The following TGFB2 variants were observed in gnomAD, a reference collection of about 807,000 sequenced individuals.
TGFB2 encodes transforming growth factor beta-2 proprotein.
In TGFB2, 13 loss-of-function variants were observed where a neutral mutation model predicts 42.7. That is an observed-to-expected ratio of 0.30 (90% CI 0.20 to 0.48). The LOEUF (loss-of-function observed/expected upper bound fraction) is 0.48, where lower values mean the gene tolerates loss of function less well. Among genes scored for constraint, TGFB2 ranks in the 20% least tolerant of loss-of-function variants. The pLI is 0.99. For missense variants in TGFB2, 390 were observed against 517.5 expected (o/e 0.75, Z 2.39); for synonymous variants, 193 against 193.6 (o/e 1.00, Z 0.03).
chr1:218,423,981 C>A (rs1480341258), intron 2 of TGFB2, among the ~76,000 whole-genome samples: 2 of 152,226 alleles, frequency 1.3e-5, no homozygotes, highest in African/African-American at 4.8e-5. Context: ...TAATGATTTT[C>A]AAAGGCACTT....
intron 1 of TGFB2, among the ~76,000 whole-genome samples, chr1:218,349,725 G>T (rs900392398): frequency 6.6e-6 from 1 of 152,200 alleles, no homozygotes; most frequent in Non-Finnish European, 1.5e-5. Flanking sequence ...GCAATGTGGA[G>T]ATTTAAAAGT....
At chr1:218,410,907 A>C (rs1013495634) in intron 2 of TGFB2, among the ~76,000 whole-genome samples, 1 of 152,244 alleles carries the variant, frequency 6.6e-6, no homozygotes, top group African/African-American at 2.4e-5. Flanking sequence ...CAAGTTGAAC[A>C]TCTTCTATAT....
intron 1 of TGFB2, among the ~76,000 whole-genome samples, chr1:218,395,411 G>A (rs1252138869): frequency 1.3e-5 from 2 of 152,100 alleles, no homozygotes; most frequent in Non-Finnish European, 2.9e-5. Context: ...TATTTTATTT[G>A]TATTTTGTTG....
intron 1 of TGFB2, among the ~76,000 whole-genome samples, chr1:218,356,927 G>C (rs559499242): frequency 2.6e-5 from 4 of 152,278 alleles, no homozygotes; most frequent in Admixed American, 6.5e-5. Flanking sequence ...ATCTAAAAGA[G>C]GAGGCCGGGT....
At position 218,356,912 on chromosome 1, in the gene TGFB2, T is replaced by C. The variant is rs370789456; in HGVS notation, c.346+9865T>C. Among the ~76,000 whole-genome samples the C allele has an allele frequency of 7.2e-5, 11 of 152,312 alleles. No homozygotes were observed. In the South Asian group the frequency reaches 1.4e-3, roughly 20 times the overall value. ...TTAGCAATAGTATGACATTACGGTGTAGAAATCTAAAAGAGGAGGCCGGGT... is the reference window on the plus strand; with the variant it reads ...TTAGCAATAGTATGACATTACGGTGCAGAAATCTAAAAGAGGAGGCCGGGT... On this transcript the variant is annotated intron_variant, in intron 1 of 6. Transcript: ENST00000366930.
rs1468058932 is a variant in TGFB2 at position 218,346,439 on chromosome 1, T to C, written c.-263T>C. The C allele has an allele frequency of 2.1e-5, 8 of 380,402 alleles. No homozygotes were observed. Among genetic ancestry groups the C allele is most frequent in the Non-Finnish European group, 3.7e-5 (8 of 216,888 alleles). The allele number at this position is 380,402 out of a possible 1,614,324, so 23.6% of individuals were successfully genotyped here. The stretch of plus-strand genomic sequence containing the variant: ...ATTGCTCCAAGAATTTTTTTCTTCT[T>C]ACTCGCCAAAGTCAGGGTTCCCTCT... On this transcript the variant is annotated 5_prime_UTR_variant, in exon 1 of 7. Coordinates refer to ENST00000366930, the MANE Select transcript of TGFB2 (RefSeq NM_003238.6). The surrounding 1 kb of genome is among the most constrained non-coding windows in gnomAD (Gnocchi z 4.9).
chr1:218,433,762 A>G (rs187767176), intron 2 of TGFB2, among the ~76,000 whole-genome samples: 64 of 152,354 alleles, frequency 4.2e-4, no homozygotes, highest in African/African-American at 1.5e-3. Flanking sequence ...ACTTAATAGC[A>G]TAGAATTTAT....
chr1:218,411,159 A>G (rs1053581062), intron 2 of TGFB2, among the ~76,000 whole-genome samples: 1 of 152,128 alleles, frequency 6.6e-6, no homozygotes, highest in Non-Finnish European at 1.5e-5. Flanking sequence ...CTCATTTAAA[A>G]CCTTACCACC....
intron 1 of TGFB2, among the ~76,000 whole-genome samples, chr1:218,387,943 C>T (rs1432944673): frequency 2.6e-5 from 4 of 151,838 alleles, no homozygotes; most frequent in Non-Finnish European, 5.9e-5. Flanking sequence ...TTTCTATGTC[C>T]CCCCACCCCC....
intron 1 of TGFB2, among the ~76,000 whole-genome samples, chr1:218,347,787 T>C (rs1361249885): frequency 6.6e-6 from 1 of 152,184 alleles, no homozygotes; most frequent in Non-Finnish European, 1.5e-5. Context: ...ACGTTATTTT[T>C]CAGAATACAC....
rs1345289209 is a variant in TGFB2, at chr1:218,421,404, C to T, written c.511-12678C>T. Among the ~76,000 whole-genome samples the T allele has an allele frequency of 3.4e-5, 5 of 146,018 alleles. No individual in the cohort carries two copies. The East Asian group carries it at 6.1e-4, about 18-fold the overall frequency. On this transcript the variant is annotated intron_variant, in intron 2 of 6. Coordinates refer to ENST00000366930, the MANE Select transcript of TGFB2 (RefSeq NM_003238.6). ...TTTTTTTTTTATCACTATAAAAGAC[C>T]GATTGTTCAGGGGCTTATTTGTCAC...
chr1:218,402,369 C>T (rs1203283405), intron 1 of TGFB2, among the ~76,000 whole-genome samples: 1 of 152,308 alleles, frequency 6.6e-6, no homozygotes, highest in East Asian at 1.9e-4. Context: ...AACAACTGTA[C>T]TTAACTAGCA....
At chr1:218,389,585 A>G (rs1230005374) in intron 1 of TGFB2, among the ~76,000 whole-genome samples, 2 of 152,162 alleles carry the variant, frequency 1.3e-5, no homozygotes, top group Non-Finnish European at 2.9e-5. Flanking sequence ...GGAGTTATCA[A>G]TTTTCCCTGA....
chr1:218,401,167 T>C (rs1289802498), intron 1 of TGFB2, among the ~76,000 whole-genome samples: 5 of 152,128 alleles, frequency 3.3e-5, no homozygotes, highest in African/African-American at 1.2e-4. Context: ...AAGGAAAGAT[T>C]TGTGAGTTCA....
At chr1:218,439,194 C>T (rs1306232067) in intron 6 of TGFB2, among the ~76,000 whole-genome samples, 1 of 151,580 alleles carries the variant, frequency 6.6e-6, no homozygotes, top group Non-Finnish European at 1.5e-5. Flanking sequence ...AGTGACAAAC[C>T]AAGGCTTGGC....
intron 2 of TGFB2, among the ~76,000 whole-genome samples, chr1:218,406,882 T>C (rs146257731): frequency 1.3e-5 from 2 of 152,294 alleles, no homozygotes; most frequent in African/African-American, 4.8e-5. Flanking sequence ...GGGGTATATA[T>C]GTGTGACAAT....
At chr1:218,372,641 A>G (rs1480184780) in intron 1 of TGFB2, among the ~76,000 whole-genome samples, 1 of 152,210 alleles carries the variant, frequency 6.6e-6, no homozygotes, top group East Asian at 1.9e-4. Flanking sequence ...GTGCACTGGT[A>G]CCATGGCAAA....
intron 1 of TGFB2, 41 bp downstream of exon 1, chr1:218,347,088 C>A: frequency 1.3e-6 from 2 of 1,524,784 alleles, no homozygotes; most frequent in South Asian, 1.2e-5. Flanking sequence ...AGGTTTAGCT[C>A]TGCCCGGAGC....
At chr1:218,400,907 G>A (rs1658693638) in intron 1 of TGFB2, among the ~76,000 whole-genome samples, 1 of 152,170 alleles carries the variant, frequency 6.6e-6, no homozygotes, top group Admixed American at 6.5e-5. Flanking sequence ...GAGGCAGAGA[G>A]TCCTGGGCAA....
Sources: gnomAD v4.1 joint callset for allele counts (sites outside exome capture counted in the v4.1 genomes callset) on GRCh38, gnomAD v4.1.1 for gene constraint, Gnocchi (gnomAD v3.1) non-coding constraint, MANE v1.5 for transcripts, NCBI Gene and HGNC (gene_info 2026-07-23, HGNC 2026-07-21) for gene names.